Variants in NTNG1 observed in about 807,000 individuals in gnomAD.
NTNG1 encodes the protein netrin-G1.
NTNG1 carries 16 observed loss-of-function variants against 54.0 expected under a neutral mutation model. The observed-to-expected ratio is 0.30, with a 90% CI of 0.20 to 0.45. The LOEUF is 0.45. NTNG1 is among the 20% of genes least tolerant of loss of function. The pLI is 1.00. For missense variants in NTNG1, 530 were observed against 678.7 expected, an observed-to-expected ratio of 0.78 and a Z score of 2.43; for synonymous variants, 255 against 263.1, an observed-to-expected ratio of 0.97 and a Z score of 0.30.
chr1:107,449,453 G>A (rs1472275711), intron 7 of NTNG1, among the ~76,000 whole-genome samples: 3 of 151,888 alleles, frequency 2.0e-5, no homozygotes, highest in Non-Finnish European at 4.4e-5. Context: ...ATTTAATCCA[G>A]CCGTGAATTG....
intron 2 of NTNG1, among the ~76,000 whole-genome samples, chr1:107,256,890 TA>T (rs1406569911): frequency 6.6e-6 from 1 of 152,230 alleles, no homozygotes; most frequent in Non-Finnish European, 1.5e-5. Context: ...GCCCTTCCTA[TA>T]CCTGTCAAAA....
intron 3 of NTNG1, among the ~76,000 whole-genome samples, chr1:107,356,872 G>A (rs984532788): frequency 3.9e-5 from 6 of 151,972 alleles, no homozygotes; most frequent in Non-Finnish European, 8.8e-5. Context: ...GCATGTTGGC[G>A]CATACCTGTA....
At chr1:107,429,262 C>T (rs1355014003) in intron 5 of NTNG1, among the ~76,000 whole-genome samples, 1 of 152,058 alleles carries the variant, frequency 6.6e-6, no homozygotes, top group Non-Finnish European at 1.5e-5. Context: ...GATTTCATTC[C>T]ATCAGGACCT....
chr1:107,478,037 G>T (rs1678447782), intron 7 of NTNG1, among the ~76,000 whole-genome samples: 1 of 152,154 alleles, frequency 6.6e-6, no homozygotes, highest in South Asian at 2.1e-4. Flanking sequence ...CTGAAGAAGA[G>T]CTCAGTGATA....
intron 3 of NTNG1, among the ~76,000 whole-genome samples, chr1:107,361,392 T>TATATATATA (rs1553232702): frequency 4.4e-3 from 102 of 23,424 alleles, no homozygotes; most frequent in Admixed American, 7.5e-3. Context: ...TATATATATA[T>TATATATATA]TTTTTTTTTT....
At chr1:107,140,788 TAGAA>T (rs1653600175), upstream of NTNG1, 1 of 132,086 alleles carries the variant, frequency 7.6e-6, no homozygotes, top group Non-Finnish European at 1.6e-5. Context: ...AAAAAAGAAA[TAGAA>T]ATAGAAAAAA....
intron 2 of NTNG1, among the ~76,000 whole-genome samples, chr1:107,190,475 G>A (rs1363985861): frequency 3.3e-5 from 5 of 151,914 alleles, no homozygotes; most frequent in Admixed American, 6.6e-5. Context: ...TGTGCACAAC[G>A]TGCAGGTTTG....
At chr1:107,305,564 C>T (rs1327671986) in intron 2 of NTNG1, among the ~76,000 whole-genome samples, 3 of 151,932 alleles carry the variant, frequency 2.0e-5, no homozygotes, top group African/African-American at 7.3e-5. Flanking sequence ...TTATATACTT[C>T]ACCCACTTTT....
chr1:107,447,997 G>C (rs1253207183), intron 7 of NTNG1, among the ~76,000 whole-genome samples: 1 of 152,028 alleles, frequency 6.6e-6, no homozygotes, highest in African/African-American at 2.4e-5. Context: ...ATTGTGCTAA[G>C]TTTTGGCACT....
At chr1:107,464,348 A>G (rs932924392) in intron 7 of NTNG1, among the ~76,000 whole-genome samples, 18 of 152,232 alleles carry the variant, frequency 1.2e-4, no homozygotes, top group Non-Finnish European at 7.3e-5. Flanking sequence ...TAAGCAGGAC[A>G]GAGACCAGCC....
chr1:107,290,951 C>CAT (rs1553218723), intron 2 of NTNG1, among the ~76,000 whole-genome samples: 22 of 135,096 alleles, frequency 1.6e-4, no homozygotes, highest in African/African-American at 2.5e-4. Flanking sequence ...TTTTAAAGTG[C>CAT]ATATATATAT....
chr1:107,246,294 G>A (rs1477738203), intron 2 of NTNG1, among the ~76,000 whole-genome samples: 1 of 151,782 alleles, frequency 6.6e-6, no homozygotes, highest in East Asian at 1.9e-4. Context: ...ACCTTATGAT[G>A]TGCCCACCTC....
At chr1:107,460,042 A>C (rs1677187235) in intron 7 of NTNG1, among the ~76,000 whole-genome samples, 1 of 152,152 alleles carries the variant, frequency 6.6e-6, no homozygotes, top group South Asian at 2.1e-4. Context: ...TTTCTTTAAA[A>C]TATTAAGATA....
chr1:107,398,019 A>G (rs1026995536), intron 4 of NTNG1, among the ~76,000 whole-genome samples: 2 of 152,068 alleles, frequency 1.3e-5, no homozygotes, highest in Non-Finnish European at 2.9e-5. Context: ...GTACGTTACA[A>G]GTCAGTTATC....
At chr1:107,229,644 T>G (rs1181584749) in intron 2 of NTNG1, among the ~76,000 whole-genome samples, 2 of 152,082 alleles carry the variant, frequency 1.3e-5, no homozygotes, top group East Asian at 3.9e-4. Context: ...GTTGGGAAGC[T>G]GATTCCTGTA....
At chr1:107,401,592 C>T (rs891767224) in intron 4 of NTNG1, among the ~76,000 whole-genome samples, 1 of 152,052 alleles carries the variant, frequency 6.6e-6, no homozygotes, top group Non-Finnish European at 1.5e-5. Context: ...AAATAATACC[C>T]TCACACAAGT....
rs765511962 is a variant in NTNG1 at position 107,395,274 on chromosome 1, A to G, written c.1008A>G (p.Arg336=). Residue 336 remains arginine, a synonymous_variant, in exon 4 of 8, where the codon CGA becomes CGG. Coordinates refer to ENST00000370068, the MANE Select transcript of NTNG1 (RefSeq NM_001113226.3). The stretch of plus-strand genomic sequence containing the variant: ...AATGCAAGAAGAATTATCAGGGCCG[A>G]CCTTGGAGTCCAGGCTCCTATCTCC... ...CGKCKKNYQG[R]PWSPGSYLPI... The G allele has an allele frequency of 2.5e-6, 4 of 1,613,612 alleles. No individual in the cohort carries two copies. The South Asian group carries it at 4.4e-5, about 18-fold the overall frequency.
chr1:107,167,004 C>T (rs183116495), intron 2 of NTNG1, among the ~76,000 whole-genome samples: 1 of 152,144 alleles, frequency 6.6e-6, no homozygotes, highest in African/African-American at 2.4e-5. Context: ...TGCTCTAGGT[C>T]GTAATCTCTG....
chr1:107,456,245 T>C (rs924543183), intron 7 of NTNG1, among the ~76,000 whole-genome samples: 1 of 152,174 alleles, frequency 6.6e-6, no homozygotes, highest in Non-Finnish European at 1.5e-5. Context: ...AAGTGATGCA[T>C]AGGAAGACTT....
Sources: gnomAD v4.1 joint callset for allele counts (sites outside exome capture counted in the v4.1 genomes callset) on GRCh38, gnomAD v4.1.1 for gene constraint, MANE v1.5 for transcripts, NCBI Gene and HGNC (gene_info 2026-07-23, HGNC 2026-07-21) for gene names.